DMXL2: variants seen among roughly 807,000 people sequenced by gnomAD.
DMXL2 encodes dmX-like protein 2.
A neutral mutation model predicts 331.1 loss-of-function variants in DMXL2; 103 were observed. The ratio of observed to expected loss-of-function variants is 0.31; its 90% confidence interval spans 0.27 to 0.37. DMXL2 has a LOEUF of 0.37. DMXL2 is among the 10% of genes least tolerant of loss of function. DMXL2 has a pLI of 1.00. For missense variants in DMXL2, 3,171 were observed against 3,642.9 expected (o/e 0.87, Z 3.33); for synonymous variants, 1,281 against 1,252.1 (o/e 1.02, Z -0.49).
intron 20 of DMXL2, 67 bp downstream of exon 20, chr15:51,491,511 T>C (rs2042796985): frequency 6.2e-6 from 9 of 1,458,778 alleles, no homozygotes; most frequent in East Asian, 2.3e-5. Flanking sequence ...TTCTGGGAGA[T>C]AGTATCTTTT....
At chr15:51,492,182 G>A (rs1227851298) in intron 19 of DMXL2, among the ~76,000 whole-genome samples, 2 of 152,218 alleles carry the variant, frequency 1.3e-5, no homozygotes, top group Admixed American at 1.3e-4. Context: ...CCGCCCAAGA[G>A]GACACAAGGT....
intron 23 of DMXL2, among the ~76,000 whole-genome samples, chr15:51,483,472 T>C (rs192792590): frequency 2.7e-3 from 416 of 152,258 alleles, no homozygotes; most frequent in Admixed American, 4.3e-3. Flanking sequence ...ATCACACTTT[T>C]GGTCAGAGAA....
intron 13 of DMXL2, among the ~76,000 whole-genome samples, chr15:51,518,483 C>G (rs2047161441): frequency 6.6e-6 from 1 of 152,126 alleles, no homozygotes; most frequent in Non-Finnish European, 1.5e-5. Context: ...AGTCAATGGA[C>G]CAGCAGTGAT....
chr15:51,460,837 CCTTT>C (rs1487123764), intron 33 of DMXL2, among the ~76,000 whole-genome samples: 3 of 152,016 alleles, frequency 2.0e-5, no homozygotes, highest in Non-Finnish European at 4.4e-5. Context: ...TAATAAAACA[CCTTT>C]TTTTTCAGAT....
Position 51,464,739 on chromosome 15 carries a change from C to A in DMXL2, c.7744G>T (p.Val2582Leu). 6.2e-7 allele frequency: 1 copy of A among 1,614,138 alleles called. No homozygotes were observed. The highest frequency in any genetic ancestry group is 8.5e-7 in the Non-Finnish European group (1 of 1,180,012). Residue 2582 changes from valine to leucine, a missense_variant, in exon 32 of 44, where the codon GTG becomes TTG. Val to Leu is a conservative substitution (Grantham distance 32). This residue lies in a region of DMXL2 where 766 missense variants were observed against 940.5 expected (regional missense o/e 0.81). Transcript: ENST00000560891. The part of the protein sequence containing the change: ...YINTYPTDLS[V>L]GAGPAILRNK... Reference sequence around the variant, plus strand: ...CGAAGAATAGCTGGTCCAGCTCCCACTGAAAGGTCAGTTGGATATGTGTTG... The same window carrying A: ...CGAAGAATAGCTGGTCCAGCTCCCAATGAAAGGTCAGTTGGATATGTGTTG...
chr15:51,533,794 A>T (rs901779182), intron 13 of DMXL2, among the ~76,000 whole-genome samples: 3 of 152,328 alleles, frequency 2.0e-5, no homozygotes, highest in Admixed American at 6.5e-5. Context: ...AAATGGAGAA[A>T]GATTTCAAAT....
At chr15:51,552,302 G>C (rs540947266) in intron 6 of DMXL2, among the ~76,000 whole-genome samples, 1 of 152,292 alleles carries the variant, frequency 6.6e-6, no homozygotes, top group Non-Finnish European at 1.5e-5. Flanking sequence ...CCTGTGGGCA[G>C]ACCAATCAGA....
At chr15:51,454,831 A>G (rs1235567624) in intron 40 of DMXL2, among the ~76,000 whole-genome samples, 2 of 152,206 alleles carry the variant, frequency 1.3e-5, no homozygotes, top group Non-Finnish European at 2.9e-5. Flanking sequence ...TATCATGTGT[A>G]TATTAAGAAG....
intron 1 of DMXL2, among the ~76,000 whole-genome samples, chr15:51,598,812 G>A (rs1004210977): frequency 2.0e-5 from 3 of 152,162 alleles, no homozygotes; most frequent in African/African-American, 4.8e-5. Context: ...AATGCAGATA[G>A]TATCTTCCAG....
At chr15:51,486,458 T>A in intron 22 of DMXL2, 121 bp from the exon 23 acceptor site, 1 of 759,324 alleles carries the variant, frequency 1.3e-6, no homozygotes. Context: ...GAAGGGACAG[T>A]GAAGGGTAGT....
chr15:51,509,723 T>G (rs2046636305), intron 15 of DMXL2, among the ~76,000 whole-genome samples: 1 of 152,190 alleles, frequency 6.6e-6, no homozygotes, highest in South Asian at 2.1e-4. Context: ...AGCATCATCC[T>G]GATACCAAAA....
In DMXL2 at chr15:51,464,283, C is replaced by T. The variant is rs550458140; in HGVS notation, c.7808+392G>A. ...AGCCGATGGCGCTCGCCTGTTGTTC[C>T]AGCTACTCAGGAGGCAGAGGTGAAA... On this transcript the variant is annotated intron_variant, in intron 32 of 43. Transcript: ENST00000560891. 7.2e-5 allele frequency among the ~76,000 whole-genome samples: 11 copies of T among 152,208 alleles called. No individual in the cohort carries two copies. The South Asian group carries it at 2.3e-3, about 32-fold the overall frequency.
At position 51,495,081 on chromosome 15, in the gene DMXL2, G is replaced by A. The variant is rs1007217688; in HGVS notation, c.4726C>T (p.His1576Tyr). The A allele has an allele frequency of 1.9e-6, 3 of 1,613,316 alleles. No homozygotes were observed. Among genetic ancestry groups the A allele is most frequent in the Non-Finnish European group, 2.5e-6 (3 of 1,179,494 alleles). ...GLRYLLAMRL[H>Y]TCLLTSLPPL... ...GGCAGCGATGTCAAAAGGCATGTGT[G>A]TAGGCGCATAGCTAACAAGTATCTC... The change falls in exon 19 of 44, where the codon CAC (histidine) becomes TAC (tyrosine). Residue 1576 changes from histidine to tyrosine, a missense_variant. Coordinates refer to ENST00000560891, the MANE Select transcript of DMXL2 (RefSeq NM_001378457.1).
intron 1 of DMXL2, among the ~76,000 whole-genome samples, chr15:51,599,639 A>G (rs1219763962): frequency 6.6e-6 from 1 of 152,232 alleles, no homozygotes; most frequent in Non-Finnish European, 1.5e-5. Flanking sequence ...ACACATACAC[A>G]TCTATGAGGT....
intron 34 of DMXL2, 117 bp downstream of exon 34, chr15:51,459,481 T>A (rs2039939708): frequency 2.7e-6 from 2 of 745,754 alleles, no homozygotes; most frequent in Non-Finnish European, 4.0e-6. Flanking sequence ...GGTATGGGAG[T>A]ACTATGAGTT....
chr15:51,463,220 A>G (rs532934690), intron 33 of DMXL2, 159 bp downstream of exon 33: 1 of 497,580 alleles, frequency 2.0e-6, no homozygotes, highest in African/African-American at 2.0e-5. Context: ...AATGAAAATT[A>G]TAAGGTTTTA....
At position 51,466,240 on chromosome 15, in the gene DMXL2, A is replaced by T; in HGVS notation, c.7464T>A (p.Asp2488Glu). 13 of 1,577,322 alleles carry T rather than the reference A, an allele frequency of 8.2e-6. No individual in the cohort carries two copies. The highest frequency in any genetic ancestry group is 1.4e-5 in the African/African-American group (1 of 73,262). The change falls in exon 30 of 44, where the codon GAT (aspartate) becomes GAA (glutamate). Residue 2488 changes from aspartate (D) to glutamate (E), a missense_variant. Physicochemically the swap from Asp to Glu is conservative, Grantham distance 45 (BLOSUM62 2). Coordinates refer to ENST00000560891, the MANE Select transcript of DMXL2 (RefSeq NM_001378457.1). ...SDESIHSDEE[D>E]DAFFSDTQIQ... ...TTTGTGTATCTGAAAAAAAGGCATC[A>T]TCTTCTTCATCACTATGAATGCTTT...
intron 13 of DMXL2, among the ~76,000 whole-genome samples, chr15:51,527,739 A>G (rs2047762153): frequency 6.6e-6 from 1 of 152,054 alleles, no homozygotes; most frequent in African/African-American, 2.4e-5. Flanking sequence ...AAAAAAAAGA[A>G]GTCATCTGAA....
rs751558314 is a variant in DMXL2 at position 51,499,687 on chromosome 15, G to A, written c.3537C>T (p.Gly1179=). The change falls in exon 18 of 44, where the codon GGC becomes GGT. Residue 1179 remains glycine (G), a synonymous_variant. Transcript: ENST00000560891. The stretch of plus-strand genomic sequence containing the variant: ...CGACTCCCACTGTAAGAATGTGGGA[G>A]CCATCTTCTTTTGATACCCAGTCCA... ...VHLDWVSKED[G]SHILTVGVGA... The A allele has an allele frequency of 6.2e-7, 1 of 1,614,020 alleles. No individual in the cohort carries two copies. The highest frequency in any genetic ancestry group is 1.3e-5 in the African/African-American group (1 of 75,048).
Sources: gnomAD v4.1 joint callset for allele counts (sites outside exome capture counted in the v4.1 genomes callset) on GRCh38, gnomAD v4.1.1 for gene constraint, gnomAD v4.1.1 regional missense constraint, MANE v1.5 for transcripts, NCBI Gene and HGNC (gene_info 2026-07-23, HGNC 2026-07-21) for gene names.